DCAF6: variants seen among roughly 807,000 people sequenced by gnomAD.
DCAF6 encodes DDB1- and CUL4-associated factor 6.
In DCAF6, 54 loss-of-function variants were observed where a neutral mutation model predicts 125.1. The ratio of observed to expected loss-of-function variants is 0.43; its 90% CI spans 0.35 to 0.54. The LOEUF is 0.54. Among genes scored for constraint, DCAF6 ranks in the 20% least tolerant of loss-of-function variants. The pLI is 0.01. For missense variants in DCAF6, 934 were observed against 1,161.7 expected (o/e 0.80, Z 2.85); for synonymous variants, 371 against 390.4 (o/e 0.95, Z 0.58).
chr1:168,075,559 T>G lies in DCAF6; in HGVS notation c.*124T>G, dbSNP rs1023899889. 8.9e-6 allele frequency: 7 copies of G among 783,356 alleles called. No individual in the cohort carries two copies. In the East Asian group the frequency reaches 1.2e-4, roughly 13 times the overall value. 48.5% of individuals were successfully genotyped at this position (783,356 alleles called of 1,614,324 possible). On this transcript the variant is annotated 3_prime_UTR_variant, in exon 22 of 22. Transcript: ENST00000367840. ...GGTTTTTGGAGTTTTTCCCTTTTTT[T>G]GGGATAACCTAACATTGGTTTGGAA...
chr1:167,875,118 G>C, the DCAF6 span: 4 of 1,612,368 alleles, frequency 2.5e-6, no homozygotes, highest in East Asian at 8.9e-5. Context: ...TAAAATCAAG[G>C]CCTACTACCT....
chr1:167,948,114 A>G (rs1457431232), intron 1 of DCAF6, among the ~76,000 whole-genome samples: 1 of 147,418 alleles, frequency 6.8e-6, no homozygotes, highest in African/African-American at 2.5e-5. Context: ...CTTTAATATT[A>G]TATAACGACT....
chr1:167,876,506 A>G, the DCAF6 span, among the ~76,000 whole-genome samples: 1 of 152,160 alleles, frequency 6.6e-6, no homozygotes, highest in Non-Finnish European at 1.5e-5. Context: ...CTCTTATAGC[A>G]TATATCAAAG....
intron 5 of DCAF6, among the ~76,000 whole-genome samples, chr1:167,989,131 T>G (rs1050033880): frequency 3.3e-5 from 5 of 152,148 alleles, no homozygotes; most frequent in Non-Finnish European, 7.4e-5. Context: ...TTTAATCAGT[T>G]TTTTTGTTAC....
intron 19 of DCAF6, 70 bp downstream of exon 19, chr1:168,065,816 T>C: frequency 8.6e-6 from 12 of 1,393,160 alleles, no homozygotes; most frequent in African/African-American, 1.5e-5. Context: ...AAAATTATTC[T>C]TTTTTAATTG....
intron 20 of DCAF6, among the ~76,000 whole-genome samples, chr1:168,067,216 A>G (rs1558054185): frequency 2.0e-5 from 3 of 152,330 alleles, no homozygotes; most frequent in East Asian, 3.9e-4. Context: ...CACAATTCCC[A>G]TGTATACTTT....
At chr1:167,877,552 T>C in the DCAF6 span, among the ~76,000 whole-genome samples, 1 of 152,102 alleles carries the variant, frequency 6.6e-6, no homozygotes, top group African/African-American at 2.4e-5. Flanking sequence ...ACCTACTGTA[T>C]ACCAAGCACT....
chr1:167,937,825 G>A (rs1671557474), intron 1 of DCAF6, among the ~76,000 whole-genome samples: 1 of 151,970 alleles, frequency 6.6e-6, no homozygotes, highest in African/African-American at 2.4e-5. Flanking sequence ...ACTTAGTAAA[G>A]GTCTTTTTTG....
chr1:168,067,850 A>G (rs1692540800), intron 20 of DCAF6, among the ~76,000 whole-genome samples: 1 of 152,076 alleles, frequency 6.6e-6, no homozygotes. Context: ...ACGAGTATTC[A>G]AGTAATCCTA....
the DCAF6 span, among the ~76,000 whole-genome samples, chr1:167,911,556 AGCC>A: frequency 6.6e-6 from 1 of 152,198 alleles, no homozygotes; most frequent in South Asian, 2.1e-4. Flanking sequence ...CTAAGTTGCT[AGCC>A]GATCGGGACA....
intron 17 of DCAF6, among the ~76,000 whole-genome samples, chr1:168,054,636 C>T (rs1690376365): frequency 6.6e-6 from 1 of 152,040 alleles, no homozygotes; most frequent in African/African-American, 2.4e-5. Context: ...TTATAGGATT[C>T]AATTGGACTG....
At chr1:167,883,729 C>A in the DCAF6 span, 3 of 1,076,024 alleles carry the variant, frequency 2.8e-6, no homozygotes, top group Admixed American at 5.5e-5. Flanking sequence ...GGAATGTCTA[C>A]CTCAGAATGG....
chr1:167,880,212 T>C, the DCAF6 span: 2 of 1,597,882 alleles, frequency 1.3e-6, no homozygotes, highest in Non-Finnish European at 8.6e-7. Context: ...GGAGACAAGA[T>C]TTGTGGGGAA....
At chr1:167,963,207 T>C (rs1675887005) in intron 2 of DCAF6, among the ~76,000 whole-genome samples, 1 of 151,874 alleles carries the variant, frequency 6.6e-6, no homozygotes, top group African/African-American at 2.4e-5. Flanking sequence ...GAGGTTGTAG[T>C]GAGCTGAGAT....
the DCAF6 span, among the ~76,000 whole-genome samples, chr1:167,882,394 A>C: frequency 0.06 from 9,032 of 150,950 alleles, 343 homozygotes; most frequent in Middle Eastern, 0.11. Flanking sequence ...CTGAGTCAAG[A>C]GAATCGCTTG....
intron 7 of DCAF6, among the ~76,000 whole-genome samples, chr1:167,995,945 G>A (rs185126550): frequency 6.6e-6 from 1 of 152,232 alleles, no homozygotes. Context: ...CTTAGTGGAA[G>A]TAGAGGTACA....
At chr1:168,001,969 AATAG>A (rs1249574482) in intron 7 of DCAF6, among the ~76,000 whole-genome samples, 1 of 152,212 alleles carries the variant, frequency 6.6e-6, no homozygotes, top group African/African-American at 2.4e-5. Context: ...AGCAGGATGG[AATAG>A]ATAGCCTGAG....
chr1:167,975,980 T>C (rs984858626), intron 4 of DCAF6, among the ~76,000 whole-genome samples: 4 of 152,244 alleles, frequency 2.6e-5, no homozygotes, highest in Non-Finnish European at 5.9e-5. Flanking sequence ...TATGTCCTCA[T>C]GTTTTTGTAT....
intron 21 of DCAF6, among the ~76,000 whole-genome samples, chr1:168,071,617 G>T (rs1693044446): frequency 6.6e-6 from 1 of 152,230 alleles, no homozygotes; most frequent in East Asian, 1.9e-4. Context: ...CTGGGTGACA[G>T]ATTGAGACTC....
Sources: allele counts gnomAD v4.1 joint callset (sites outside exome capture counted in the v4.1 genomes callset), GRCh38; gene constraint gnomAD v4.1.1; transcripts MANE v1.5; gene names NCBI Gene and HGNC (gene_info 2026-07-23, HGNC 2026-07-21).